The following CFAP61 variants were observed in gnomAD, a reference collection of about 807,000 sequenced individuals.
CFAP61 encodes the protein cilia- and flagella-associated protein 61.
In CFAP61, 107 loss-of-function variants were observed where a neutral mutation model predicts 135.6. The observed-to-expected ratio is 0.79, with a 90% CI of 0.67 to 0.93. The LOEUF is 0.93. CFAP61 is among the 40% of genes least tolerant of loss of function. The pLI is 0.00. For missense variants in CFAP61, 1,507 were observed against 1,556.2 expected (o/e 0.97, Z 0.53); for synonymous variants, 575 against 578.5 (o/e 0.99, Z 0.09).
intron 17 of CFAP61, chr20:20,214,184 AT>A (rs1300415652): frequency 3.9e-5 from 6 of 152,286 alleles, no homozygotes; most frequent in African/African-American, 1.4e-4. Context: ...TTTGAGAAAA[AT>A]TCCCATACTC....
intron 12 of CFAP61, among the ~76,000 whole-genome samples, chr20:20,168,746 C>A (rs1247720522): frequency 6.6e-6 from 1 of 152,216 alleles, no homozygotes; most frequent in African/African-American, 2.4e-5. Flanking sequence ...TCAGGACATG[C>A]AAGACCTCTT....
chr20:20,089,558 T>C (rs1261747440), intron 6 of CFAP61, among the ~76,000 whole-genome samples: 2 of 141,890 alleles, frequency 1.4e-5, no homozygotes, highest in Non-Finnish European at 3.1e-5. Context: ...AACACAATGC[T>C]GAAACATTTT....
intron 18 of CFAP61, among the ~76,000 whole-genome samples, chr20:20,237,627 T>C (rs2049699670): frequency 6.6e-6 from 1 of 152,214 alleles, no homozygotes; most frequent in Admixed American, 6.5e-5. Flanking sequence ...TAATTTTTAC[T>C]AACAACAAAA....
At position 20,277,295 on chromosome 20, in the gene CFAP61, A is replaced by C. The variant is rs1569230561; in HGVS notation, c.2633A>C (p.Asn878Thr). 3 of 1,614,158 alleles carry C rather than the reference A, an allele frequency of 1.9e-6. No individual in the cohort carries two copies. The South Asian group carries it at 3.3e-5, about 18-fold the overall frequency. Residue 878 changes from asparagine (N) to threonine (T), a missense_variant, in exon 22 of 27, where the codon AAC becomes ACC. Transcript: ENST00000245957. ...PPPASTITCINNYSVESAVAD... is the reference protein window; with the variant it reads ...PPPASTITCITNYSVESAVAD... ...CCCGCCTCCACCATCACCTGCATCA[A>C]CAACTACTCGGTGGAGAGCGCCGTG...
intron 17 of CFAP61, among the ~76,000 whole-genome samples, chr20:20,209,358 CTCAG>C (rs1316959107): frequency 4.6e-5 from 7 of 152,134 alleles, no homozygotes; most frequent in Admixed American, 2.0e-4. Context: ...AATGGTATTG[CTCAG>C]TCAAAGGTAA....
chr20:20,194,942 C>T (rs1178265592), intron 15 of CFAP61, among the ~76,000 whole-genome samples: 1 of 152,132 alleles, frequency 6.6e-6, no homozygotes, highest in African/African-American at 2.4e-5. Flanking sequence ...TGCACATGGC[C>T]CATCTGCTGT....
intron 17 of CFAP61, among the ~76,000 whole-genome samples, chr20:20,203,446 T>A (rs2056721354): frequency 6.6e-6 from 1 of 152,220 alleles, no homozygotes. Flanking sequence ...TGCATAAGAA[T>A]TATTATTTTT....
Position 20,315,678 on chromosome 20 carries a change from G to A in CFAP61, c.3422+17292G>A, listed in dbSNP as rs1438962224. On this transcript the variant is annotated intron_variant, in intron 25 of 26. Coordinates refer to ENST00000245957, the MANE Select transcript of CFAP61 (RefSeq NM_015585.4). The stretch of plus-strand genomic sequence containing the variant: ...GGGTTTTTATGGTTTTAGGTCTAAC[G>A]TTTAAGTCTTTAATCCATCTTGAAT... Among the ~76,000 whole-genome samples, 8 of 152,080 alleles carry A rather than the reference G, an allele frequency of 5.3e-5. No individual in the cohort carries two copies. The East Asian group carries it at 7.7e-4, about 15-fold the overall frequency.
At chr20:20,245,591 C>T (rs893349470) in intron 18 of CFAP61, among the ~76,000 whole-genome samples, 2 of 152,144 alleles carry the variant, frequency 1.3e-5, no homozygotes, top group African/African-American at 4.8e-5. Context: ...TGAGTGGGGA[C>T]ACAGAGCCAA....
At chr20:20,106,436 CTG>C (rs1376800492) in intron 8 of CFAP61, among the ~76,000 whole-genome samples, 1 of 152,234 alleles carries the variant, frequency 6.6e-6, no homozygotes, top group Non-Finnish European at 1.5e-5. Flanking sequence ...AGCAACATGA[CTG>C]AGATCTGCAT....
chr20:20,077,857 TAGC>T (rs1461100732), intron 6 of CFAP61, among the ~76,000 whole-genome samples: 2 of 152,200 alleles, frequency 1.3e-5, no homozygotes, highest in African/African-American at 4.8e-5. Flanking sequence ...GGCCTCCAGG[TAGC>T]AGGCTTCAGA....
Position 20,199,885 on chromosome 20 carries a change from G to T in CFAP61, c.1915G>T (p.Ala639Ser). The change falls in exon 17 of 27, where the codon GCG becomes TCG. Residue 639 changes from alanine (A) to serine (S), a missense_variant. Ala to Ser is a moderately conservative substitution (Grantham distance 99). Transcript: ENST00000245957. ...GCTTGGCATAAACGCTCCATCAAAGGCGGTCTCCAAGGATCCGGTGGGTAG... is the reference window on the plus strand; with the variant it reads ...GCTTGGCATAAACGCTCCATCAAAGTCGGTCTCCAAGGATCCGGTGGGTAG... ...EKLGINAPSKAVSKDPMSYAL... is the reference protein window; with the variant it reads ...EKLGINAPSKSVSKDPMSYAL... 1 of 1,614,096 alleles carries T rather than the reference G, an allele frequency of 6.2e-7. No individual in the cohort carries two copies. Among genetic ancestry groups the T allele is most frequent in the Non-Finnish European group, 8.5e-7 (1 of 1,180,030 alleles).
intron 2 of CFAP61, among the ~76,000 whole-genome samples, chr20:20,068,472 C>T (rs1199308480): frequency 6.6e-6 from 1 of 152,186 alleles, no homozygotes; most frequent in Non-Finnish European, 1.5e-5. Flanking sequence ...GAACCTGGGA[C>T]AGTCTACTCC....
chr20:20,293,406 T>C (rs576771811), intron 24 of CFAP61, among the ~76,000 whole-genome samples: 20 of 152,340 alleles, frequency 1.3e-4, no homozygotes, highest in African/African-American at 4.8e-4. Context: ...ACAGAAGATC[T>C]AAACAGATTT....
At chr20:20,338,092 T>C (rs932092371) in intron 25 of CFAP61, among the ~76,000 whole-genome samples, 6 of 152,134 alleles carry the variant, frequency 3.9e-5, no homozygotes, top group Non-Finnish European at 8.8e-5. Flanking sequence ...CTGCCTTCTG[T>C]GTATTGAATG....
At chr20:20,070,391 AC>A (rs2045619529) in intron 2 of CFAP61, among the ~76,000 whole-genome samples, 1 of 152,134 alleles carries the variant, frequency 6.6e-6, no homozygotes, top group Non-Finnish European at 1.5e-5. Context: ...TTCATAGGTG[AC>A]CCATTCATCC....
chr20:20,207,799 ACTC>A (rs1007673527), intron 17 of CFAP61, among the ~76,000 whole-genome samples: 19 of 151,664 alleles, frequency 1.3e-4, no homozygotes, highest in African/African-American at 4.1e-4. Context: ...TAAAACCTTC[ACTC>A]CTCCTATCTT....
intron 8 of CFAP61, among the ~76,000 whole-genome samples, chr20:20,130,591 C>A (rs1056174970): frequency 6.6e-6 from 1 of 151,248 alleles, no homozygotes; most frequent in Non-Finnish European, 1.5e-5. Flanking sequence ...TCTTTTTTTT[C>A]CCCCTGCTAG....
At position 20,231,888 on chromosome 20, in the gene CFAP61, T is replaced by G. The variant is rs534428572; in HGVS notation, c.2060+3512T>G. Among the ~76,000 whole-genome samples, 13 of 152,230 alleles carry G rather than the reference T, an allele frequency of 8.5e-5. No homozygotes were observed. In the South Asian group the frequency reaches 2.7e-3, roughly 32 times the overall value. ...TGCCCAAGACATTTAAGTGATAGAT[T>G]TGGATTATTTTTAAATGACTGTTCT... On this transcript the variant is annotated intron_variant, in intron 18 of 26. Coordinates refer to ENST00000245957, the MANE Select transcript of CFAP61 (RefSeq NM_015585.4).
Sources: gnomAD v4.1 joint callset for allele counts (sites outside exome capture counted in the v4.1 genomes callset) on GRCh38, gnomAD v4.1.1 for gene constraint, MANE v1.5 for transcripts, NCBI Gene and HGNC (gene_info 2026-07-23, HGNC 2026-07-21) for gene names.